Variants in C15orf39 observed in about 807,000 individuals in gnomAD.
The protein encoded by C15orf39 is PRMT2 interacting protein.
A neutral mutation model predicts 53.9 loss-of-function variants in C15orf39; 24 were observed. That is an observed-to-expected ratio of 0.45 (90% CI 0.32 to 0.63). The LOEUF is 0.63. Ranked by LOEUF, C15orf39 falls within the 20% of genes least tolerant of loss-of-function variation. The pLI is 0.04. For missense variants in C15orf39, 1,271 were observed against 1,347.9 expected, an observed-to-expected ratio of 0.94 and a Z score of 0.89; for synonymous variants, 569 against 576.5, an observed-to-expected ratio of 0.99 and a Z score of 0.19.
At position 75,211,149 on chromosome 15, in the gene C15orf39, ACT is replaced by A; in HGVS notation, c.*37_*38del. The A allele has an allele frequency of 6.5e-7, 1 of 1,541,654 alleles. No individual in the cohort carries two copies. The highest frequency in any genetic ancestry group is 8.7e-7 in the Non-Finnish European group (1 of 1,147,120). On this transcript the variant is annotated 3_prime_UTR_variant, in exon 3 of 3. Coordinates refer to ENST00000394987, the MANE Select transcript of C15orf39 (RefSeq NM_015492.5). ...TGCCAGTGCTGTGTGTATAGCAGTCACTCTCCACCCTTCCCTTCTGCCTGCCC... is the reference window on the plus strand; with the variant it reads ...TGCCAGTGCTGTGTGTATAGCAGTCACTCCACCCTTCCCTTCTGCCTGCCC...
At position 75,204,100 on chromosome 15, in the gene C15orf39, A is replaced by G. The variant is rs545454277; in HGVS notation, c.-50-1899A>G. 2.6e-5 allele frequency among the ~76,000 whole-genome samples: 4 copies of G among 152,318 alleles called. No homozygotes were observed. In the East Asian group the frequency reaches 7.7e-4, roughly 29 times the overall value. ...CGGTCTAACTCAGCCTGTGGCTGTC[A>G]TTGGCTCCAACCAGAAGAGGCAAGG... On this transcript the variant is annotated intron_variant, in intron 1 of 2. Coordinates refer to ENST00000394987, the MANE Select transcript of C15orf39 (RefSeq NM_015492.5).
chr15:75,208,602 C>A lies in C15orf39; in HGVS notation c.2554C>A (p.Arg852=). 1 of 1,581,306 alleles carries A rather than the reference C, an allele frequency of 6.3e-7. No individual in the cohort carries two copies. Among genetic ancestry groups the A allele is most frequent in the Non-Finnish European group, 8.6e-7 (1 of 1,164,386 alleles). Residue 852 remains arginine (R), a synonymous_variant, in exon 2 of 3, where the codon CGG becomes AGG. Transcript: ENST00000394987. ...IFVPIHLVKE[R]LFPRLPPASV... ...CGTGCCCATTCACCTGGTGAAGGAG[C>A]GGCTCTTCCCTCGGCTGCCACCCGC...
chr15:75,208,482 C>T lies in C15orf39; in HGVS notation c.2434C>T (p.Gln812Ter). 6.3e-7 allele frequency: 1 copy of T among 1,597,584 alleles called. No homozygotes were observed. The highest frequency in any genetic ancestry group is 8.5e-7 in the Non-Finnish European group (1 of 1,175,566). Residue 812 changes from glutamine (Q) to a stop codon, truncating the protein, a stop_gained, in exon 2 of 3, where the codon CAG (glutamine) becomes TAG (stop). Coordinates refer to ENST00000394987, the MANE Select transcript of C15orf39 (RefSeq NM_015492.5). LOFTEE classifies it high-confidence loss of function. ...QAAWQDCQGV[Q>*]GLLAKLLSQL... ...TGCGTGGCAGGACTGCCAGGGTGTG[C>T]AGGGGCTGCTGGCCAAGCTGCTGTC... is the stretch of plus-strand genomic sequence containing the variant.
At position 75,207,952 on chromosome 15, in the gene C15orf39, C is replaced by T. The variant is rs1567139812; in HGVS notation, c.1904C>T (p.Thr635Ile). The change falls in exon 2 of 3, where the codon ACA (threonine) becomes ATA (isoleucine). Residue 635 changes from threonine (T) to isoleucine (I), a missense_variant. Thr to Ile is a moderately conservative substitution (Grantham distance 89). This residue lies in a region of C15orf39 where 994 missense variants were observed against 993.7 expected (regional missense o/e 1.00). Transcript: ENST00000394987. Reference protein sequence around the residue: ...APGLPGVPVTTDAMPRTNFHS... With the variant: ...APGLPGVPVTIDAMPRTNFHS... ...GGCTTGCCTGGGGTGCCAGTGACCA[C>T]AGATGCCATGCCAAGGACCAACTTC... 7.4e-6 allele frequency: 12 copies of T among 1,613,898 alleles called. No individual in the cohort carries two copies. In the East Asian group the frequency reaches 2.5e-4, roughly 33 times the overall value.
In C15orf39 at chr15:75,206,383, T is replaced by C. The variant is rs1187748784; in HGVS notation, c.335T>C (p.Leu112Pro). The C allele has an allele frequency of 6.2e-7, 1 of 1,613,988 alleles. No homozygotes were observed. The highest frequency in any genetic ancestry group is 1.7e-5 in the Admixed American group (1 of 59,984). The change falls in exon 2 of 3, where the codon CTC becomes CCC. Residue 112 changes from leucine to proline, a missense_variant. By Grantham distance (98) the Leu-to-Pro change is moderately conservative. This residue lies in a region of C15orf39 where 994 missense variants were observed against 993.7 expected (regional missense o/e 1.00). Transcript: ENST00000394987. ...EKMQDSSPVE[L>P]LPFSPQAHSY... ...ATGCAGGACTCCAGCCCTGTTGAGC[T>C]CCTGCCCTTCAGTCCCCAGGCTCAC... is the stretch of plus-strand genomic sequence containing the variant.
chr15:75,208,435 C>T lies in C15orf39; in HGVS notation c.2387C>T (p.Thr796Met), dbSNP rs201154047. ...GAGAAGCTTCGCGAGTGGCTAGAGA[C>T]GGCTGGGCCCTGGGGCCAGGCTGCG... ...PPEKLREWLE[T>M]AGPWGQAAWQ... is the part of the protein sequence containing the mutation. The change falls in exon 2 of 3, where the codon ACG (threonine) becomes ATG (methionine). Residue 796 changes from threonine to methionine, a missense_variant. Physicochemically the swap from Thr to Met is moderately conservative, Grantham distance 81 (BLOSUM62 -1). This residue lies in a region of C15orf39 where 277 missense variants were observed against 354.1 expected (regional missense o/e 0.78). Coordinates refer to ENST00000394987, the MANE Select transcript of C15orf39 (RefSeq NM_015492.5). 7.9e-4 allele frequency: 1,268 copies of T among 1,605,270 alleles called. 1 individual carries two copies. Among genetic ancestry groups the T allele is most frequent in the East Asian group, 1.1e-3 (50 of 44,740 alleles).
intron 1 of C15orf39, among the ~76,000 whole-genome samples, chr15:75,203,026 G>A (rs534783130): frequency 1.3e-5 from 2 of 152,382 alleles, no homozygotes; most frequent in East Asian, 3.9e-4. Context: ...GCTGCCCCAG[G>A]TTGGGTTGTA....
chr15:75,204,543 G>C (rs931489376), intron 1 of C15orf39, among the ~76,000 whole-genome samples: 4 of 151,722 alleles, frequency 2.6e-5, no homozygotes, highest in Non-Finnish European at 5.9e-5. Flanking sequence ...GTCTCACTCT[G>C]CTGCCCAGGC....
At chr15:75,200,237 C>T (rs1040599713), upstream of C15orf39, among the ~76,000 whole-genome samples, 3 of 152,234 alleles carry the variant, frequency 2.0e-5, no homozygotes, top group African/African-American at 7.2e-5. Context: ...AAGGAACAGA[C>T]ATACTGTTGA....
At chr15:75,199,816 C>T (rs1443595631), upstream of C15orf39, among the ~76,000 whole-genome samples, 2 of 152,198 alleles carry the variant, frequency 1.3e-5, no homozygotes, top group Non-Finnish European at 2.9e-5. Context: ...CATATAAGGA[C>T]AGACTGTTCC....
upstream of C15orf39, among the ~76,000 whole-genome samples, chr15:75,201,275 G>A (rs1386068460): frequency 6.6e-6 from 1 of 152,152 alleles, no homozygotes; most frequent in African/African-American, 2.4e-5. The surrounding 1 kb of genome is among the most constrained non-coding windows in gnomAD (Gnocchi z 4.7). Context: ...CATGGAGGGA[G>A]CCTCACCCAG....
chr15:75,209,164 T>C, intron 2 of C15orf39: 1 of 283,768 alleles, frequency 3.5e-6, no homozygotes, highest in Non-Finnish European at 6.7e-6. Flanking sequence ...GGTTAGGCCC[T>C]GTTTTCTAGC....
At chr15:75,204,660 A>G (rs1010242450) in intron 1 of C15orf39, among the ~76,000 whole-genome samples, 1 of 152,052 alleles carries the variant, frequency 6.6e-6, no homozygotes, top group African/African-American at 2.4e-5. Flanking sequence ...GGCATGCACA[A>G]CCATGCCTGG....
chr15:75,209,493 G>A (rs2070468375), intron 2 of C15orf39: 1 of 152,222 alleles, frequency 6.6e-6, no homozygotes, highest in Non-Finnish European at 1.5e-5. Flanking sequence ...TTGTTTTGTG[G>A]TTTGCTTTTC....
In C15orf39 at chr15:75,211,169, GC is replaced by G; in HGVS notation, c.*55del. 6.6e-7 allele frequency: 1 copy of G among 1,526,692 alleles called. No homozygotes were observed. Among genetic ancestry groups the G allele is most frequent in the Non-Finnish European group, 8.8e-7 (1 of 1,140,554 alleles). 94.6% of individuals were successfully genotyped at this position (1,526,692 alleles called of 1,614,324 possible). A position where few individuals can be genotyped will look rare whatever the true frequency, so the allele number is the denominator to read the frequency against. Reference sequence around the variant, plus strand: ...CAGTCACTCTCCACCCTTCCCTTCTGCCTGCCCAGCTGCCCCGGGGCCACGA... The same window carrying G: ...CAGTCACTCTCCACCCTTCCCTTCTGCTGCCCAGCTGCCCCGGGGCCACGA... On this transcript the variant is annotated 3_prime_UTR_variant, in exon 3 of 3. Transcript: ENST00000394987.
rs192103169 is a variant in C15orf39 at position 75,203,224 on chromosome 15, T to C, written c.-51+1165T>C. The stretch of plus-strand genomic sequence containing the variant: ...GAAGGTGAAAGTGGGAACAGAGAGC[T>C]GTTTCCTTTCCCACTGCGTAAGGCA... On this transcript the variant is annotated intron_variant, in intron 1 of 2. Coordinates refer to ENST00000394987, the MANE Select transcript of C15orf39 (RefSeq NM_015492.5). Among the ~76,000 whole-genome samples the C allele has an allele frequency of 3.7e-3, 571 of 152,348 alleles. 2 individuals carry two copies. The highest frequency in any genetic ancestry group is 0.013 in the African/African-American group (551 of 41,590).
chr15:75,208,711 C>T lies in C15orf39; in HGVS notation c.2663C>T (p.Ala888Val). The change falls in exon 2 of 3, where the codon GCC (alanine) becomes GTC (valine). Residue 888 changes from alanine to valine, a missense_variant. Around this residue, in one of 2 missense-constraint regions of C15orf39, gnomAD observed 277 missense variants for 354.1 expected, o/e 0.78. Coordinates refer to ENST00000394987, the MANE Select transcript of C15orf39 (RefSeq NM_015492.5). ...LSEERALREL[A>V]LPGCTSRMLK... ...GAGGAGCGGGCACTGCGGGAGCTCG[C>T]CCTGCCAGGCTGCACCTCACGCATG... The T allele has an allele frequency of 6.2e-7, 1 of 1,607,120 alleles. No individual in the cohort carries two copies. Among genetic ancestry groups the T allele is most frequent in the Non-Finnish European group, 8.5e-7 (1 of 1,179,608 alleles).
At position 75,208,685 on chromosome 15, in the gene C15orf39, G is replaced by C. The variant is rs756519689; in HGVS notation, c.2637G>C (p.Ser879=). ...HRVELRPTTL[S]EERALRELAL... ...TGGAGCTGCGGCCCACCACGCTGTC[G>C]GAGGAGCGGGCACTGCGGGAGCTCG... is the stretch of plus-strand genomic sequence containing the variant. The change falls in exon 2 of 3, where the codon TCG becomes TCC. Residue 879 remains serine, a synonymous_variant. Coordinates refer to ENST00000394987, the MANE Select transcript of C15orf39 (RefSeq NM_015492.5). 5 of 1,607,728 alleles carry C rather than the reference G, an allele frequency of 3.1e-6. No individual in the cohort carries two copies. The South Asian group carries it at 4.4e-5, about 14-fold the overall frequency.
At position 75,211,302 on chromosome 15, in the gene C15orf39, T is replaced by C. The variant is rs1639474283; in HGVS notation, c.*186T>C. The C allele has an allele frequency of 2.8e-6, 2 of 712,468 alleles. No homozygotes were observed. Among genetic ancestry groups the C allele is most frequent in the Non-Finnish European group, 4.4e-6 (2 of 452,346 alleles). The allele number at this position is 712,468 out of a possible 1,614,324, so 44.1% of individuals were successfully genotyped here. On this transcript the variant is annotated 3_prime_UTR_variant, in exon 3 of 3. Coordinates refer to ENST00000394987, the MANE Select transcript of C15orf39 (RefSeq NM_015492.5). ...CCTGAGCTTTTAACGTGAGGGTCTT[T>C]ATTGGATAGGACTACTCCCTATTTC...
Sources: gnomAD v4.1 joint callset for allele counts (sites outside exome capture counted in the v4.1 genomes callset) on GRCh38, gnomAD v4.1.1 for gene constraint, gnomAD v4.1.1 regional missense constraint, Gnocchi (gnomAD v3.1) non-coding constraint, MANE v1.5 for transcripts, NCBI Gene and HGNC (gene_info 2026-07-23, HGNC 2026-07-21) for gene names.